Variants in CYP2C18 observed in about 807,000 individuals in gnomAD.
CYP2C18 encodes the protein cytochrome P450 family 2 subfamily C member 18, also known as cytochrome P450 2C18.
In CYP2C18, 38 loss-of-function variants were observed where a neutral mutation model predicts 41.3. That is an observed-to-expected ratio of 0.92 (90% CI 0.71 to 1.21). The LOEUF is 1.21. Ranked by LOEUF, CYP2C18 falls within the 50% of genes most tolerant of loss-of-function variation. The pLI is 0.00. For missense variants in CYP2C18, 635 were observed against 591.4 expected (o/e 1.07, Z -0.77); for synonymous variants, 236 against 210.0 (o/e 1.12, Z -1.07).
At chr10:94,688,976 G>A (rs959696081) in intron 3 of CYP2C18, among the ~76,000 whole-genome samples, 2 of 152,128 alleles carry the variant, frequency 1.3e-5, no homozygotes, top group Non-Finnish European at 2.9e-5. Flanking sequence ...TCACTAACAT[G>A]TCTGGGGGTT....
intron 4 of CYP2C18, among the ~76,000 whole-genome samples, chr10:94,697,613 C>G (rs1430386893): frequency 6.6e-6 from 1 of 152,142 alleles, no homozygotes; most frequent in East Asian, 1.9e-4. Flanking sequence ...ATGACAGGAT[C>G]AAATTCACAC....
intron 4 of CYP2C18, among the ~76,000 whole-genome samples, chr10:94,699,693 G>C (rs1847195954): frequency 6.6e-6 from 1 of 152,166 alleles, no homozygotes; most frequent in African/African-American, 2.4e-5. Context: ...AATTTTCCCT[G>C]TTTGCAGATG....
At chr10:94,685,571 T>C (rs1477853798) in intron 1 of CYP2C18, among the ~76,000 whole-genome samples, 1 of 152,216 alleles carries the variant, frequency 6.6e-6, no homozygotes, top group Non-Finnish European at 1.5e-5. Context: ...GAGTTAATTC[T>C]TGTATAAGGG....
chr10:94,689,818 A>C (rs1295734711), intron 3 of CYP2C18, among the ~76,000 whole-genome samples: 1 of 152,106 alleles, frequency 6.6e-6, no homozygotes, highest in African/African-American at 2.4e-5. Flanking sequence ...CAGAGTGCTG[A>C]CTATATTCTC....
chr10:94,696,021 A>G (rs1847111136), intron 4 of CYP2C18, among the ~76,000 whole-genome samples: 1 of 152,202 alleles, frequency 6.6e-6, no homozygotes, highest in Non-Finnish European at 1.5e-5. Context: ...CAGCTCAAGG[A>G]GGCCTGCCTG....
intron 5 of CYP2C18, among the ~76,000 whole-genome samples, chr10:94,712,621 A>G (rs1038037836): frequency 6.6e-6 from 1 of 152,170 alleles, no homozygotes; most frequent in African/African-American, 2.4e-5. Context: ...TCTATATATT[A>G]GCTATTGGGA....
chr10:94,692,376 A>G (rs1470073552), intron 3 of CYP2C18, among the ~76,000 whole-genome samples: 2 of 145,264 alleles, frequency 1.4e-5, no homozygotes, highest in Admixed American at 7.0e-5. Flanking sequence ...ATGAGCAGAC[A>G]ATTCTCAAAA....
Position 94,694,916 on chromosome 10 carries a change from G to T in CYP2C18, c.482-1G>T. ...AATTTAAAATATTTCCAATCCTTTA[G>T]CCTCACCCTGTGATCCCACTTTCAT... On this transcript the variant is annotated splice_acceptor_variant, in intron 3 of 8. Coordinates refer to ENST00000285979, the MANE Select transcript of CYP2C18 (RefSeq NM_000772.3). LOFTEE classifies it high-confidence loss of function. 1 of 1,611,208 alleles carries T rather than the reference G, an allele frequency of 6.2e-7. No individual in the cohort carries two copies. The highest frequency in any genetic ancestry group is 8.5e-7 in the Non-Finnish European group (1 of 1,179,284).
intron 4 of CYP2C18, among the ~76,000 whole-genome samples, chr10:94,696,696 A>G (rs1395884900): frequency 6.6e-6 from 1 of 152,052 alleles, no homozygotes; most frequent in South Asian, 2.1e-4. Context: ...TAAAGCAGGA[A>G]GTTCAAACCC....
Position 94,724,232 on chromosome 10 carries a change from TA to T in CYP2C18, c.962-113del. 2.9e-6 allele frequency: 3 copies of T among 1,036,040 alleles called. No homozygotes were observed. In the South Asian group the frequency reaches 4.1e-5, roughly 14 times the overall value. 64.2% of individuals were successfully genotyped at this position (1,036,040 alleles called of 1,614,324 possible). A position where few individuals can be genotyped will look rare whatever the true frequency, so the allele number is the denominator to read the frequency against. ...CTAAGTCTAGGTGTACTTTCAGTCC[TA>T]TAAGTTTATAATGATGTTGGGACCC... On this transcript the variant is annotated intron_variant, in intron 6 of 8. Transcript: ENST00000285979.
intron 4 of CYP2C18, among the ~76,000 whole-genome samples, chr10:94,704,102 G>T (rs886644726): frequency 2.0e-5 from 3 of 152,102 alleles, no homozygotes; most frequent in Non-Finnish European, 4.4e-5. Context: ...GGGCACCTCA[G>T]TTGGAAATGC....
chr10:94,708,044 CT>C (rs1430271086), intron 5 of CYP2C18, among the ~76,000 whole-genome samples: 1 of 152,176 alleles, frequency 6.6e-6, no homozygotes, highest in Non-Finnish European at 1.5e-5. Flanking sequence ...AGAATAAAAT[CT>C]TTCCTCTGAA....
chr10:94,726,658 A>C (rs1354378013), intron 7 of CYP2C18, among the ~76,000 whole-genome samples: 3 of 152,208 alleles, frequency 2.0e-5, no homozygotes, highest in Non-Finnish European at 4.4e-5. Context: ...CATACGAAAC[A>C]CAGTCAAAAA....
chr10:94,730,753 T>C (rs1247333860), intron 7 of CYP2C18, among the ~76,000 whole-genome samples: 2 of 152,138 alleles, frequency 1.3e-5, no homozygotes, highest in East Asian at 1.9e-4. Flanking sequence ...TCTTCACTGA[T>C]GATATGATTC....
intron 6 of CYP2C18, among the ~76,000 whole-genome samples, chr10:94,722,718 G>A (rs1333955744): frequency 6.6e-6 from 1 of 152,154 alleles, no homozygotes; most frequent in Non-Finnish European, 1.5e-5. Context: ...CCACAGAAAA[G>A]GGAGGTTCAC....
chr10:94,688,262 A>G lies in CYP2C18; in HGVS notation c.469A>G (p.Arg157Gly). The G allele has an allele frequency of 6.2e-7, 1 of 1,609,668 alleles. No individual in the cohort carries two copies. The change falls in exon 3 of 9, where the codon AGA becomes GGA. Residue 157 changes from arginine to glycine, a missense_variant. Transcript: ENST00000285979. Reference sequence around the variant, plus strand: ...AGCCCGCTGCCTTGTGGAGGAGTTGAGAAAAACCAATGGTGGGTGACTTTT... The same window carrying G: ...AGCCCGCTGCCTTGTGGAGGAGTTGGGAAAAACCAATGGTGGGTGACTTTT... ...EEARCLVEELRKTNASPCDPT... is the reference protein window; with the variant it reads ...EEARCLVEELGKTNASPCDPT...
At chr10:94,716,694 G>T (rs1264296872) in intron 5 of CYP2C18, among the ~76,000 whole-genome samples, 1 of 152,190 alleles carries the variant, frequency 6.6e-6, no homozygotes. Flanking sequence ...ATGTCTATTA[G>T]ATCTGCTTGG....
intron 3 of CYP2C18, among the ~76,000 whole-genome samples, chr10:94,694,503 C>G (rs1034109473): frequency 1.3e-5 from 2 of 152,170 alleles, no homozygotes; most frequent in African/African-American, 4.8e-5. Context: ...AAGATGTTTT[C>G]TGGTTCCTAT....
chr10:94,692,408 A>AG lies in CYP2C18; in HGVS notation c.482-2509_482-2508insG, dbSNP rs1040016233. 0.027 allele frequency among the ~76,000 whole-genome samples: 47 copies of AG among 1,716 alleles called. No homozygotes were observed. In the East Asian group the frequency reaches 0.5, roughly 18 times the overall value. 1.1% of individuals were successfully genotyped at this position (1,716 alleles called of 152,430 possible). A position where few individuals can be genotyped will look rare whatever the true frequency, so the allele number is the denominator to read the frequency against. ...AAAAGAAGACATTTATGCAGCCAAA[A>AG]ACACATGAAAAATGCTCATCATCAC... On this transcript the variant is annotated intron_variant, in intron 3 of 8. Transcript: ENST00000285979.
Sources: gnomAD v4.1 joint callset for allele counts (sites outside exome capture counted in the v4.1 genomes callset) on GRCh38, gnomAD v4.1.1 for gene constraint, MANE v1.5 for transcripts, NCBI Gene and HGNC (gene_info 2026-07-23, HGNC 2026-07-21) for gene names.